BICRAL: variants seen among roughly 807,000 people sequenced by gnomAD.
BICRAL encodes BRD4-interacting chromatin-remodeling complex-associated protein-like.
In BICRAL, 8 loss-of-function variants were observed where a neutral mutation model predicts 91.8. That is an observed-to-expected ratio of 0.09 (90% CI 0.05 to 0.16). The LOEUF (loss-of-function observed/expected upper bound fraction) is 0.16. Ranked by LOEUF, BICRAL falls within the 10% of genes least tolerant of loss-of-function variation. The pLI, the probability that BICRAL is intolerant of heterozygous loss-of-function variation, is 1.00. For synonymous variants in BICRAL, 445 were observed against 491.1 expected (o/e 0.91, Z 1.24); for missense variants, 1,038 against 1,310.9 (o/e 0.79, Z 3.21).
At chr6:42,747,259 G>T (rs1473887831) in intron 1 of BICRAL, among the ~76,000 whole-genome samples, 1 of 152,186 alleles carries the variant, frequency 6.6e-6, no homozygotes, top group Non-Finnish European at 1.5e-5. Flanking sequence ...GCCGCTGCCC[G>T]GGCGCGGCAG....
chr6:42,812,702 A>G (rs1336168047), intron 2 of BICRAL, among the ~76,000 whole-genome samples: 2 of 152,142 alleles, frequency 1.3e-5, no homozygotes, highest in African/African-American at 2.4e-5. Flanking sequence ...AGATATATGA[A>G]TAGAAGCTAT....
chr6:42,782,561 C>A (rs1762946643), intron 1 of BICRAL, among the ~76,000 whole-genome samples: 3 of 150,498 alleles, frequency 2.0e-5, no homozygotes, highest in Middle Eastern at 3.5e-3. Context: ...CTTTCTTTTT[C>A]CTTTTTTTTC....
chr6:42,797,438 A>G (rs533162533), intron 1 of BICRAL, among the ~76,000 whole-genome samples: 26 of 148,786 alleles, frequency 1.7e-4, no homozygotes, highest in Admixed American at 6.0e-4. Context: ...CTTAAAAAGG[A>G]AAAAAAAAAG....
rs1373428345 is a variant in BICRAL, at chr6:42,860,245, T to C, written c.2255-17T>C. The C allele has an allele frequency of 2.8e-6, 4 of 1,445,892 alleles. No homozygotes were observed. Among genetic ancestry groups the C allele is most frequent in the Non-Finnish European group, 2.9e-6 (3 of 1,028,532 alleles). The allele number at this position is 1,445,892 out of a possible 1,614,324, so 89.6% of individuals were successfully genotyped here. A position where few individuals can be genotyped will look rare whatever the true frequency, so the allele number is the denominator to read the frequency against. ...TTTACAGTCTCTCACTATTTCTTTG[T>C]CTCTCTCTTTTTAAAGTGGACAATG... On this transcript the variant is annotated splice_polypyrimidine_tract_variant and intron_variant, in intron 10 of 12. Transcript: ENST00000314073.
chr6:42,817,443 A>G (rs895109151), intron 2 of BICRAL, among the ~76,000 whole-genome samples: 1 of 151,988 alleles, frequency 6.6e-6, no homozygotes, highest in Non-Finnish European at 1.5e-5. Context: ...TCACCCTTTT[A>G]AAGTATATAA....
chr6:42,781,462 T>G (rs1410139489), upstream of BICRAL, among the ~76,000 whole-genome samples: 1 of 152,084 alleles, frequency 6.6e-6, no homozygotes, highest in African/African-American at 2.4e-5. Context: ...TCGTTTTGGT[T>G]TTTAAAAAGC....
intron 5 of BICRAL, among the ~76,000 whole-genome samples, chr6:42,823,956 C>G (rs1404152369): frequency 6.8e-6 from 1 of 147,492 alleles, no homozygotes; most frequent in African/African-American, 2.5e-5. Flanking sequence ...TAAAATAATA[C>G]ACCAGGCATG....
intron 1 of BICRAL, among the ~76,000 whole-genome samples, chr6:42,771,149 G>A (rs909272009): frequency 6.6e-6 from 1 of 152,226 alleles, no homozygotes; most frequent in Non-Finnish European, 1.5e-5. Flanking sequence ...AGGACATGGA[G>A]CAAATTAGCA....
At chr6:42,852,005 G>A (rs769775512) in intron 6 of BICRAL, 87 bp from the exon 7 acceptor site, 7 of 752,076 alleles carry the variant, frequency 9.3e-6, no homozygotes, top group Non-Finnish European at 1.6e-5. Flanking sequence ...TACCAGGGAG[G>A]CATGAAGAGG....
intron 4 of BICRAL, 27 bp downstream of exon 4, chr6:42,822,871 C>T (rs745606277): frequency 2.0e-6 from 3 of 1,513,792 alleles, no homozygotes; most frequent in African/African-American, 1.4e-5. Flanking sequence ...ATACCACAGA[C>T]ATCTATTTTG....
At chr6:42,787,341 C>G (rs146923322) in intron 1 of BICRAL, among the ~76,000 whole-genome samples, 1 of 152,022 alleles carries the variant, frequency 6.6e-6, no homozygotes, top group Non-Finnish European at 1.5e-5. Flanking sequence ...GGCATCCAAG[C>G]GGAGAGTTAA....
intron 1 of BICRAL, among the ~76,000 whole-genome samples, chr6:42,758,703 C>CG (rs993351443): frequency 8.8e-5 from 11 of 125,330 alleles, no homozygotes; most frequent in Admixed American, 2.6e-4. Flanking sequence ...ATGATGGAGT[C>CG]GGGGGGTCCA....
chr6:42,761,046 A>C (rs1762539238), intron 1 of BICRAL, among the ~76,000 whole-genome samples: 2 of 152,174 alleles, frequency 1.3e-5, no homozygotes, highest in African/African-American at 2.4e-5. Context: ...ACTCTGTCTC[A>C]AATAAAAAAA....
At chr6:42,763,033 C>T (rs371301239) in intron 1 of BICRAL, among the ~76,000 whole-genome samples, 3 of 152,126 alleles carry the variant, frequency 2.0e-5, no homozygotes, top group East Asian at 1.9e-4. Flanking sequence ...GTAAACTCCT[C>T]GAGGGAGCCT....
chr6:42,782,607 G>T, intron 1 of BICRAL, among the ~76,000 whole-genome samples: 1 of 151,588 alleles, frequency 6.6e-6, no homozygotes, highest in Non-Finnish European at 1.5e-5. Flanking sequence ...GCGGGGAGAG[G>T]GAGAGCCCGG....
chr6:42,771,292 A>G (rs1425472852), intron 1 of BICRAL, among the ~76,000 whole-genome samples: 1 of 152,176 alleles, frequency 6.6e-6, no homozygotes, highest in East Asian at 1.9e-4. Flanking sequence ...GCGCCCGTGC[A>G]TCCGTCACAG....
intron 1 of BICRAL, among the ~76,000 whole-genome samples, chr6:42,802,612 C>A (rs1014508991): frequency 4.6e-5 from 7 of 152,126 alleles, no homozygotes; most frequent in Non-Finnish European, 1.0e-4. Flanking sequence ...GCATGCCCAG[C>A]TAATTTTTTG....
intron 1 of BICRAL, among the ~76,000 whole-genome samples, chr6:42,783,135 T>TTGCCGC (rs1554275538): frequency 1.3e-5 from 2 of 150,668 alleles, no homozygotes; most frequent in African/African-American, 4.9e-5. Flanking sequence ...CCCGGCCCCG[T>TTGCCGC]TCCCGCTCCC....
intron 1 of BICRAL, among the ~76,000 whole-genome samples, chr6:42,774,914 G>A (rs1057022860): frequency 2.6e-5 from 4 of 151,222 alleles, no homozygotes; most frequent in Non-Finnish European, 5.9e-5. Context: ...TCATATTTAT[G>A]AGTCATCTTT....
Sources: gnomAD v4.1 joint callset for allele counts (sites outside exome capture counted in the v4.1 genomes callset) on GRCh38, gnomAD v4.1.1 for gene constraint, MANE v1.5 for transcripts, NCBI Gene and HGNC (gene_info 2026-07-23, HGNC 2026-07-21) for gene names.